Variants in TESMIN observed in about 807,000 individuals in gnomAD.
TESMIN encodes testis expressed metallothionein like protein, also known as CXC domain containing 2.
Under a neutral mutation model 47.4 loss-of-function variants are expected in TESMIN, and 34 were observed. The ratio of observed to expected loss-of-function variants is 0.72; its 90% CI spans 0.55 to 0.96. TESMIN has a LOEUF of 0.96. TESMIN is among the 40% of genes least tolerant of loss of function. The pLI is 0.00. For missense variants in TESMIN, 610 were observed against 637.2 expected (o/e 0.96, Z 0.46); for synonymous variants, 278 against 258.9 (o/e 1.07, Z -0.71).
chr11:68,723,664 T>C (rs1229107615), intron 6 of TESMIN, among the ~76,000 whole-genome samples: 2 of 152,020 alleles, frequency 1.3e-5, no homozygotes, highest in Non-Finnish European at 2.9e-5. Context: ...CAACCTCTCC[T>C]AGAACTGATC....
chr11:68,720,471 T>C (rs983096801), intron 6 of TESMIN, among the ~76,000 whole-genome samples: 5 of 152,220 alleles, frequency 3.3e-5, no homozygotes, highest in African/African-American at 1.2e-4. Flanking sequence ...AACCAGCTCC[T>C]GGAAAACCCA....
chr11:68,718,490 C>T (rs900242547), intron 6 of TESMIN, among the ~76,000 whole-genome samples: 3 of 152,150 alleles, frequency 2.0e-5, no homozygotes, highest in Non-Finnish European at 4.4e-5. Flanking sequence ...GAGAAAGCAA[C>T]AGTGGGCCAG....
intron 6 of TESMIN, among the ~76,000 whole-genome samples, chr11:68,717,393 G>A (rs1946152729): frequency 6.6e-6 from 1 of 152,102 alleles, no homozygotes; most frequent in Non-Finnish European, 1.5e-5. Flanking sequence ...ATAAAGTGTG[G>A]ATCCCTGAAA....
At position 68,750,650 on chromosome 11, in the gene TESMIN, C is replaced by A; in HGVS notation, c.11G>T (p.Gly4Val). 6.4e-7 allele frequency: 1 copy of A among 1,552,384 alleles called. No homozygotes were observed. The highest frequency in any genetic ancestry group is 8.7e-7 in the Non-Finnish European group (1 of 1,148,108). The change falls in exon 2 of 10, where the codon GGC (glycine) becomes GTC (valine). Residue 4 changes from glycine (G) to valine (V), a missense_variant. Physicochemically the swap from Gly to Val is moderately radical, Grantham distance 109. Transcript: ENST00000255087. The stretch of plus-strand genomic sequence containing the variant: ...GCTGGGCAGCCCGCCCGGCAGAGGG[C>A]CCTCCTCCATGGCGCAGGGCGGCGG... The part of the protein sequence containing the change: MEE[G>V]PLPGGLPSPE...
chr11:68,749,067 G>C (rs188384524), intron 2 of TESMIN, among the ~76,000 whole-genome samples: 4 of 152,310 alleles, frequency 2.6e-5, no homozygotes, highest in African/African-American at 4.8e-5. Flanking sequence ...GAAATGAGCC[G>C]AGCTAGGACC....
intron 6 of TESMIN, among the ~76,000 whole-genome samples, chr11:68,717,208 A>G (rs574312395): frequency 2.0e-5 from 3 of 152,262 alleles, no homozygotes; most frequent in Non-Finnish European, 4.4e-5. Context: ...TCAACAGGAA[A>G]GTAAAGAGGA....
Position 68,747,302 on chromosome 11 carries a change from T to C in TESMIN, c.536A>G (p.Asn179Ser). 1 of 1,614,012 alleles carries C rather than the reference T, an allele frequency of 6.2e-7. No individual in the cohort carries two copies. The highest frequency in any genetic ancestry group is 1.3e-5 in the African/African-American group (1 of 75,064). Residue 179 changes from asparagine to serine, a missense_variant, in exon 3 of 10, where the codon AAT becomes AGT. Coordinates refer to ENST00000255087, the MANE Select transcript of TESMIN (RefSeq NM_004923.3). ...GCAACAGGATTCCTGAGCAAGAAGA[T>C]TCTGCAAAGTTGCTTCTTCCGGATT... ...SNNPEEATLQ[N>S]LLAQESCCKF... is the part of the protein sequence containing the mutation.
chr11:68,715,823 T>C lies in TESMIN; in HGVS notation c.1020+14A>G. On this transcript the variant is annotated intron_variant, in intron 7 of 9. Coordinates refer to ENST00000255087, the MANE Select transcript of TESMIN (RefSeq NM_004923.3). ...ATGCTTTTAAAATGCATACATTTAA[T>C]GGACATTTATTACCTTAATGGCTTT... The C allele has an allele frequency of 6.6e-7, 1 of 1,522,264 alleles. No individual in the cohort carries two copies. The highest frequency in any genetic ancestry group is 1.1e-5 in the South Asian group (1 of 88,846). The allele number at this position is 1,522,264 out of a possible 1,614,324, so 94.3% of individuals were successfully genotyped here.
At chr11:68,715,029 CA>C (rs1174854754) in intron 7 of TESMIN, among the ~76,000 whole-genome samples, 1 of 152,118 alleles carries the variant, frequency 6.6e-6, no homozygotes, top group African/African-American at 2.4e-5. Flanking sequence ...TTAGATATTT[CA>C]AGTCATTTAT....
At chr11:68,749,107 G>C (rs552257352) in intron 2 of TESMIN, among the ~76,000 whole-genome samples, 4 of 152,336 alleles carry the variant, frequency 2.6e-5, no homozygotes, top group Admixed American at 1.3e-4. Context: ...ACACCAATCC[G>C]GCTGGGCAGC....
chr11:68,738,331 C>T (rs1191884742), intron 6 of TESMIN: 10 of 1,019,934 alleles, frequency 9.8e-6, no homozygotes, highest in African/African-American at 1.7e-5. Context: ...TGCTGCATGG[C>T]TGCCACACCA....
chr11:68,706,153 G>A (rs1295002981), downstream of TESMIN, among the ~76,000 whole-genome samples: 1 of 152,160 alleles, frequency 6.6e-6, no homozygotes, highest in Non-Finnish European at 1.5e-5. Context: ...TAAGAGATGG[G>A]ATTTTCTAGC....
Position 68,710,884 on chromosome 11 carries a change from T to C in TESMIN, c.1324A>G (p.Ser442Gly), listed in dbSNP as rs776327525. The C allele has an allele frequency of 1.2e-6, 2 of 1,612,478 alleles. No homozygotes were observed. The highest frequency in any genetic ancestry group is 2.2e-5 in the East Asian group (1 of 44,878). ...GTTCAAAGTACCTACCTATCGTGAC[T>C]GAATCTTGGAAGTCCTGAAAATTTC... ...PTKFSGLPRF[S>G]HDRRPSSCIS... The change falls in exon 9 of 10, where the codon AGT (serine) becomes GGT (glycine). Residue 442 changes from serine (S) to glycine (G), a missense_variant. Transcript: ENST00000255087.
At chr11:68,730,659 G>A (rs1158008622) in intron 6 of TESMIN, among the ~76,000 whole-genome samples, 2 of 151,994 alleles carry the variant, frequency 1.3e-5, no homozygotes, top group African/African-American at 2.4e-5. Context: ...GCTGGGCATG[G>A]TGGCGGGCAC....
intron 6 of TESMIN, among the ~76,000 whole-genome samples, chr11:68,731,230 G>C (rs1808192872): frequency 6.6e-6 from 1 of 152,118 alleles, no homozygotes; most frequent in Admixed American, 6.5e-5. Context: ...AGCCTTGACT[G>C]TGGTAATCGA....
At chr11:68,720,328 ATTGTT>A (rs562540392) in intron 6 of TESMIN, among the ~76,000 whole-genome samples, 3 of 152,110 alleles carry the variant, frequency 2.0e-5, no homozygotes, top group East Asian at 1.9e-4. Context: ...TAAAATCCTT[ATTGTT>A]TTATTTCCCA....
intron 5 of TESMIN, among the ~76,000 whole-genome samples, chr11:68,740,578 G>A (rs946546025): frequency 6.6e-6 from 1 of 152,172 alleles, no homozygotes; most frequent in African/African-American, 2.4e-5. Context: ...GGGCCAGACG[G>A]TAGGAGGATT....
chr11:68,711,105 T>C (rs1319725513), intron 8 of TESMIN, 56 bp from the exon 9 acceptor site: 1 of 1,402,874 alleles, frequency 7.1e-7, no homozygotes, highest in Non-Finnish European at 9.9e-7. Flanking sequence ...CATCAAAAAC[T>C]GACAAATTCT....
At chr11:68,741,053 C>A (rs1566324773) in intron 5 of TESMIN, among the ~76,000 whole-genome samples, 1 of 152,180 alleles carries the variant, frequency 6.6e-6, no homozygotes, top group Non-Finnish European at 1.5e-5. Flanking sequence ...GTTGACTCAA[C>A]CTTCAAAGTA....
Sources: allele counts gnomAD v4.1 joint callset (sites outside exome capture counted in the v4.1 genomes callset), GRCh38; gene constraint gnomAD v4.1.1; transcripts MANE v1.5; gene names NCBI Gene and HGNC (gene_info 2026-07-23, HGNC 2026-07-21).